RBFOX3: variants seen among roughly 807,000 people sequenced by gnomAD.
The protein encoded by RBFOX3 is RNA binding fox-1 homolog 3, also known as RNA binding protein fox-1 homolog 3.
A neutral mutation model predicts 48.7 loss-of-function variants in RBFOX3; 17 were observed. That is an observed-to-expected ratio of 0.35 (90% CI 0.24 to 0.52). RBFOX3 has a LOEUF of 0.52. Among genes scored for constraint, RBFOX3 ranks in the 20% least tolerant of loss-of-function variants. The pLI is 0.94. For missense variants in RBFOX3, 382 were observed against 497.5 expected, an observed-to-expected ratio of 0.77 and a Z score of 2.21; for synonymous variants, 212 against 209.5, an observed-to-expected ratio of 1.01 and a Z score of -0.10.
chr17:79,141,698 G>A (rs1439457979), intron 4 of RBFOX3, among the ~76,000 whole-genome samples: 1 of 151,644 alleles, frequency 6.6e-6, no homozygotes, highest in African/African-American at 2.4e-5. Context: ...TCACCTCCCT[G>A]GGGGTCCTGT....
chr17:79,092,669 A>AATC lies in RBFOX3; in HGVS notation c.1077+1779_1077+1781dup, dbSNP rs1262663536. 3 of 972,924 alleles carry AATC rather than the reference A, an allele frequency of 3.1e-6. No individual in the cohort carries two copies. The East Asian group carries it at 3.4e-4, about 111-fold the overall frequency. The allele number at this position is 972,924 out of a possible 1,614,324, so 60.3% of individuals were successfully genotyped here. ...GCAACATCAAAGATGAAAAACAGCC[A>AATC]ATCAGTACCGTCTTTTGGAAGAGGG... On this transcript the variant is annotated intron_variant, in intron 14 of 14. Coordinates refer to ENST00000693108, the MANE Select transcript of RBFOX3 (RefSeq NM_001350451.2).
chr17:79,406,693 G>A (rs1026095797), intron 2 of RBFOX3, among the ~76,000 whole-genome samples: 10 of 152,112 alleles, frequency 6.6e-5, no homozygotes, highest in East Asian at 1.9e-4. Flanking sequence ...TGACCACGTC[G>A]CATGGAATTG....
chr17:79,536,814 C>T (rs116313774), intron 1 of RBFOX3, among the ~76,000 whole-genome samples: 1,685 of 152,280 alleles, frequency 0.011, 28 homozygotes, highest in African/African-American at 0.039. Flanking sequence ...TGGCCGGGTG[C>T]GGAGGCTAAC....
At chr17:79,467,118 C>T (rs1442769848) in intron 2 of RBFOX3, among the ~76,000 whole-genome samples, 2 of 151,416 alleles carry the variant, frequency 1.3e-5, no homozygotes, top group Admixed American at 6.6e-5. Context: ...CTCAGGACTG[C>T]GGTGGCATCA....
intron 4 of RBFOX3, among the ~76,000 whole-genome samples, chr17:79,179,705 C>T (rs563312779): frequency 6.6e-6 from 1 of 152,308 alleles, no homozygotes; most frequent in Admixed American, 6.5e-5. Flanking sequence ...GTTTTTTCCT[C>T]CTATCCTCTC....
intron 2 of RBFOX3, among the ~76,000 whole-genome samples, chr17:79,381,642 A>G (rs528478075): frequency 6.6e-6 from 1 of 152,246 alleles, no homozygotes; most frequent in South Asian, 2.1e-4. Flanking sequence ...TAAACTGACC[A>G]CCTTGTACGA....
intron 4 of RBFOX3, among the ~76,000 whole-genome samples, chr17:79,133,614 T>G (rs1001815409): frequency 6.6e-6 from 1 of 152,172 alleles, no homozygotes; most frequent in Non-Finnish European, 1.5e-5. Flanking sequence ...TCCACTGTAC[T>G]CAGTTCCTCC....
At chr17:79,173,246 A>G (rs1319638279) in intron 4 of RBFOX3, among the ~76,000 whole-genome samples, 6 of 152,218 alleles carry the variant, frequency 3.9e-5, no homozygotes. Context: ...ATACGTACAT[A>G]CTACTAGAAA....
chr17:79,168,353 A>G (rs1050626345), intron 4 of RBFOX3, among the ~76,000 whole-genome samples: 18 of 152,380 alleles, frequency 1.2e-4, no homozygotes, highest in Non-Finnish European at 2.1e-4. Flanking sequence ...CACCTGCCTG[A>G]GTATGGGTTT....
intron 2 of RBFOX3, among the ~76,000 whole-genome samples, chr17:79,330,308 C>G (rs923446813): frequency 5.3e-5 from 8 of 152,194 alleles, no homozygotes; most frequent in Non-Finnish European, 1.2e-4. Flanking sequence ...GCTGGTTTCA[C>G]TGCCATGCAG....
At chr17:79,627,929 C>T in the RBFOX3 span, among the ~76,000 whole-genome samples, 6 of 151,484 alleles carry the variant, frequency 4.0e-5, no homozygotes, top group African/African-American at 1.5e-4. Context: ...CCCCACGGTC[C>T]CCGTCAACCC....
rs934836569 is a variant in RBFOX3, at chr17:79,560,749, T to C, written c.-320+50077A>G. ...ATGCCCCCACCCACTTCCCCACCCA[T>C]GACAGCACGGCCAGCGCGAGAGCTG... On this transcript the variant is annotated intron_variant, in intron 1 of 14. Coordinates refer to ENST00000693108, the MANE Select transcript of RBFOX3 (RefSeq NM_001350451.2). Among the ~76,000 whole-genome samples, 19 of 152,216 alleles carry C rather than the reference T, an allele frequency of 1.2e-4. No individual in the cohort carries two copies. The East Asian group carries it at 2.3e-3, about 19-fold the overall frequency.
chr17:79,441,869 A>T (rs1555735035), intron 2 of RBFOX3, among the ~76,000 whole-genome samples: 6 of 152,038 alleles, frequency 3.9e-5, no homozygotes. Flanking sequence ...GTGCTTAGTG[A>T]GGCAGGTGAA....
At chr17:79,412,452 G>A (rs1052708383) in intron 2 of RBFOX3, among the ~76,000 whole-genome samples, 5 of 151,876 alleles carry the variant, frequency 3.3e-5, no homozygotes, top group African/African-American at 9.7e-5. Flanking sequence ...ATGTGTGAGC[G>A]TATTGTGTAT....
intron 1 of RBFOX3, among the ~76,000 whole-genome samples, chr17:79,506,056 G>A (rs550948529): frequency 0.012 from 1,904 of 152,326 alleles, 51 homozygotes; most frequent in African/African-American, 0.044. Flanking sequence ...TATGGCAAAC[G>A]TTTTAAAGTT....
the RBFOX3 span, among the ~76,000 whole-genome samples, chr17:79,654,484 CT>C: frequency 6.6e-6 from 1 of 152,198 alleles, no homozygotes; most frequent in Non-Finnish European, 1.5e-5. Context: ...GCCCATGTTC[CT>C]GATCCTTTTC....
intron 4 of RBFOX3, among the ~76,000 whole-genome samples, chr17:79,186,326 T>TA (rs1384457828): frequency 6.6e-6 from 1 of 152,386 alleles, no homozygotes; most frequent in South Asian, 2.1e-4. Flanking sequence ...CAGGGGCTGT[T>TA]ACGCTGTGCT....
intron 2 of RBFOX3, among the ~76,000 whole-genome samples, chr17:79,434,244 G>A (rs1555729900): frequency 1.3e-5 from 2 of 152,188 alleles, no homozygotes; most frequent in African/African-American, 4.8e-5. Flanking sequence ...CTCTGCACAG[G>A]TGCAGGAAGA....
the RBFOX3 span, among the ~76,000 whole-genome samples, chr17:79,653,441 AC>A: frequency 2.0e-5 from 3 of 152,242 alleles, no homozygotes; most frequent in African/African-American, 4.8e-5. Context: ...AAGTTGTACA[AC>A]AAAAAAGAAA....
Sources: allele counts gnomAD v4.1 joint callset (sites outside exome capture counted in the v4.1 genomes callset), GRCh38; gene constraint gnomAD v4.1.1; transcripts MANE v1.5; gene names NCBI Gene and HGNC (gene_info 2026-07-23, HGNC 2026-07-21).